The following BTBD9 variants were observed in gnomAD, a reference collection of about 807,000 sequenced individuals.
BTBD9 encodes the protein BTB/POZ domain-containing protein 9.
A neutral mutation model predicts 64.3 loss-of-function variants in BTBD9; 49 were observed. The observed-to-expected ratio is 0.76, with a 90% CI of 0.61 to 0.97. The LOEUF (loss-of-function observed/expected upper bound fraction) is 0.97. BTBD9 is among the 50% of genes least tolerant of loss of function. BTBD9 has a pLI of 0.00. For synonymous variants in BTBD9, 260 were observed against 274.7 expected, an observed-to-expected ratio of 0.95 and a Z score of 0.53; for missense variants, 598 against 762.1, an observed-to-expected ratio of 0.78 and a Z score of 2.53.
chr6:38,476,974 GCAA>G (rs1213360512), intron 6 of BTBD9, among the ~76,000 whole-genome samples: 1 of 152,238 alleles, frequency 6.6e-6, no homozygotes, highest in Non-Finnish European at 1.5e-5. Flanking sequence ...AGTGAGGACA[GCAA>G]CAACACTACA....
At chr6:38,296,093 C>T (rs1762149856) in intron 7 of BTBD9, among the ~76,000 whole-genome samples, 2 of 152,182 alleles carry the variant, frequency 1.3e-5, no homozygotes, top group Non-Finnish European at 2.9e-5. Context: ...TTCTGTTTCA[C>T]TGGTTGATTT....
At chr6:38,287,185 C>T (rs998163446) in intron 8 of BTBD9, among the ~76,000 whole-genome samples, 1 of 146,784 alleles carries the variant, frequency 6.8e-6, no homozygotes, top group African/African-American at 2.5e-5. Context: ...GTCTACAGTA[C>T]AGTAATGTCC....
intron 7 of BTBD9, among the ~76,000 whole-genome samples, chr6:38,340,703 G>A (rs1764064410): frequency 1.3e-5 from 2 of 152,060 alleles, no homozygotes; most frequent in Admixed American, 1.3e-4. Flanking sequence ...TGAGTGTTGA[G>A]GAAAATTTTC....
At position 38,639,789 on chromosome 6, in the gene BTBD9, C is replaced by G. The variant is rs983117472; in HGVS notation, c.-28+11G>C. On this transcript the variant is annotated intron_variant, in intron 1 of 10. Transcript: ENST00000481247. ...AGGCCCCACCTCCCCTGCAAGGACC[C>G]GGCTACTCACCCCAGCGATGCTCCT... The G allele has an allele frequency of 6.6e-6, 1 of 151,930 alleles. No individual in the cohort carries two copies. The highest frequency in any genetic ancestry group is 2.4e-5 in the African/African-American group (1 of 41,344). The allele number at this position is 151,930 out of a possible 1,614,324, so 9.4% of individuals were successfully genotyped here.
chr6:38,526,024 G>A (rs1431301169), intron 6 of BTBD9, among the ~76,000 whole-genome samples: 1 of 152,232 alleles, frequency 6.6e-6, no homozygotes, highest in Non-Finnish European at 1.5e-5. Context: ...AAGAGCAAAT[G>A]TTAATAGCCA....
intron 6 of BTBD9, among the ~76,000 whole-genome samples, chr6:38,511,522 T>C (rs1215316170): frequency 6.6e-6 from 1 of 151,858 alleles, no homozygotes; most frequent in African/African-American, 2.4e-5. Flanking sequence ...ATTTTATTTT[T>C]TGTAGAGACA....
chr6:38,300,423 G>T (rs1762344896), intron 7 of BTBD9, among the ~76,000 whole-genome samples: 1 of 152,090 alleles, frequency 6.6e-6, no homozygotes, highest in Non-Finnish European at 1.5e-5. Flanking sequence ...GATGGGGATG[G>T]CACTGAATCT....
intron 8 of BTBD9, among the ~76,000 whole-genome samples, chr6:38,264,041 G>A (rs151032690): frequency 9.9e-5 from 15 of 152,260 alleles, no homozygotes; most frequent in African/African-American, 2.9e-4. Context: ...CAATCTTTTC[G>A]TTCAATTATG....
intron 6 of BTBD9, among the ~76,000 whole-genome samples, chr6:38,349,696 CCT>C (rs1484946558): frequency 1.3e-5 from 2 of 151,810 alleles, no homozygotes; most frequent in Non-Finnish European, 2.9e-5. Context: ...AAATTTATCC[CCT>C]GAGGATAAGG....
At chr6:38,626,212 C>T (rs1778162143) in intron 1 of BTBD9, among the ~76,000 whole-genome samples, 2 of 152,248 alleles carry the variant, frequency 1.3e-5, no homozygotes, top group East Asian at 3.9e-4. Context: ...TTATGGGGTA[C>T]ATGAGATGTT....
rs182915535 is a variant in BTBD9 at position 38,332,099 on chromosome 6, T to A, written c.1264+12885A>T. On this transcript the variant is annotated intron_variant, in intron 7 of 10. Transcript: ENST00000481247. ...TCTTTTTAAATAACTGCTGTTTATA[T>A]ACATTTTCTGTAAGGGAATCATCTT... 3.3e-5 allele frequency among the ~76,000 whole-genome samples: 5 copies of A among 152,350 alleles called. 1 individual carries two copies. The highest frequency in any genetic ancestry group is 3.3e-4 in the Admixed American group (5 of 15,300).
At chr6:38,256,250 T>C (rs1331386842) in intron 9 of BTBD9, among the ~76,000 whole-genome samples, 159 bp downstream of exon 9, 1 of 152,136 alleles carries the variant, frequency 6.6e-6, no homozygotes, top group Non-Finnish European at 1.5e-5. Flanking sequence ...CATATAAGTA[T>C]TTAATAGTCA....
intron 6 of BTBD9, among the ~76,000 whole-genome samples, chr6:38,527,184 G>A (rs866603349): frequency 9.3e-5 from 13 of 140,210 alleles, no homozygotes; most frequent in African/African-American, 2.4e-4. Context: ...GCTGAGGCAG[G>A]AGAATCACTG....
At chr6:38,364,836 A>C (rs1321390864) in intron 6 of BTBD9, among the ~76,000 whole-genome samples, 1 of 152,214 alleles carries the variant, frequency 6.6e-6, no homozygotes, top group Admixed American at 6.5e-5. Context: ...TTGACGAACA[A>C]GACAAGGCCC....
At chr6:38,267,515 G>A (rs1181312346) in intron 8 of BTBD9, among the ~76,000 whole-genome samples, 5 of 152,170 alleles carry the variant, frequency 3.3e-5, no homozygotes, top group Non-Finnish European at 5.9e-5. Flanking sequence ...CCTCCCTTCA[G>A]CTTTTTGGAC....
chr6:38,603,784 T>C (rs1215230354), intron 1 of BTBD9, among the ~76,000 whole-genome samples: 1 of 152,246 alleles, frequency 6.6e-6, no homozygotes. Context: ...TTCTGCTCTT[T>C]AATTGCAAAA....
chr6:38,364,306 A>G (rs1765101515), intron 6 of BTBD9, among the ~76,000 whole-genome samples: 1 of 152,192 alleles, frequency 6.6e-6, no homozygotes, highest in Non-Finnish European at 1.5e-5. Flanking sequence ...CTGACAGGGA[A>G]TAGTTTAAAT....
intron 9 of BTBD9, among the ~76,000 whole-genome samples, chr6:38,195,740 A>T (rs1461989175): frequency 6.6e-6 from 1 of 152,130 alleles, no homozygotes; most frequent in Admixed American, 6.5e-5. Context: ...TTTATTTAAT[A>T]AAAATTTTAA....
At chr6:38,261,810 G>T (rs1764804181) in intron 8 of BTBD9, among the ~76,000 whole-genome samples, 1 of 152,100 alleles carries the variant, frequency 6.6e-6, no homozygotes, top group African/African-American at 2.4e-5. Flanking sequence ...GGAGATGTGG[G>T]GTCATGGTGA....
Sources: gnomAD v4.1 joint callset for allele counts (sites outside exome capture counted in the v4.1 genomes callset) on GRCh38, gnomAD v4.1.1 for gene constraint, MANE v1.5 for transcripts, NCBI Gene and HGNC (gene_info 2026-07-23, HGNC 2026-07-21) for gene names.